SGMS2: variants seen among roughly 807,000 people sequenced by gnomAD.
SGMS2 encodes the protein sphingomyelin synthase 2.
In SGMS2, 21 loss-of-function variants were observed where a neutral mutation model predicts 43.8. That is an observed-to-expected ratio of 0.48 (90% confidence interval 0.34 to 0.69). SGMS2 has a LOEUF of 0.69. SGMS2 is among the 30% of genes least tolerant of loss of function. The probability of loss-of-function intolerance (pLI) is 0.01; values close to 1 mark genes in which losing one functional copy is unlikely to be tolerated. For missense variants in SGMS2, 384 were observed against 443.2 expected, an observed-to-expected ratio of 0.87 and a Z score of 1.20; for synonymous variants, 167 against 160.6, an observed-to-expected ratio of 1.04 and a Z score of -0.30.
At chr4:107,896,741 T>G (rs997704601) in intron 3 of SGMS2, among the ~76,000 whole-genome samples, 2 of 152,186 alleles carry the variant, frequency 1.3e-5, no homozygotes, top group Non-Finnish European at 2.9e-5. Context: ...CAGGTACTTT[T>G]GCTTTGAAGA....
intron 1 of SGMS2, among the ~76,000 whole-genome samples, chr4:107,851,808 T>C (rs1727161495): frequency 6.6e-6 from 1 of 152,186 alleles, no homozygotes; most frequent in Admixed American, 6.5e-5. Context: ...TGAGCATGAG[T>C]AGTAATCATA....
rs941295242 is a variant in SGMS2 at position 107,911,977 on chromosome 4, C to A, written c.*1424C>A. On this transcript the variant is annotated 3_prime_UTR_variant, in exon 7 of 7. Transcript: ENST00000690982. ...GGTTGCAAAGTTATCAACACTGGGG[C>A]AGAGGGTGGAGAGGCCAATGCGGGT... 1 of 152,074 alleles carries A rather than the reference C, an allele frequency of 6.6e-6. No individual in the cohort carries two copies. The highest frequency in any genetic ancestry group is 1.5e-5 in the Non-Finnish European group (1 of 68,012). The allele number at this position is 152,074 out of a possible 1,614,324, so 9.4% of individuals were successfully genotyped here.
intron 2 of SGMS2, among the ~76,000 whole-genome samples, chr4:107,859,402 G>A (rs1348803704): frequency 6.6e-6 from 1 of 152,108 alleles, no homozygotes; most frequent in Non-Finnish European, 1.5e-5. Context: ...ATTCAGCACA[G>A]TATTCTATAA....
At chr4:107,848,132 C>A (rs1726938764) in intron 1 of SGMS2, among the ~76,000 whole-genome samples, 2 of 152,162 alleles carry the variant, frequency 1.3e-5, no homozygotes, top group Non-Finnish European at 2.9e-5. Context: ...CATAGTTTTA[C>A]ATTTTCTAGA....
At chr4:107,890,734 C>A (rs1730139917) in intron 2 of SGMS2, among the ~76,000 whole-genome samples, 1 of 151,262 alleles carries the variant, frequency 6.6e-6, no homozygotes, top group Admixed American at 6.6e-5. Flanking sequence ...AACATGAAGG[C>A]CTTTTAAATA....
chr4:107,889,796 A>T (rs1030134410), intron 2 of SGMS2, among the ~76,000 whole-genome samples: 3 of 152,220 alleles, frequency 2.0e-5, no homozygotes, highest in African/African-American at 7.2e-5. Flanking sequence ...AATTTGCATC[A>T]TAAGATACAG....
At position 107,895,495 on chromosome 4, in the gene SGMS2, A is replaced by G; in HGVS notation, c.-59A>G. Reference sequence around the variant, plus strand: ...GAAATAGAAGGATTGAAAAAAGCTAAATTTCCACAAAGAACAAGAACTTGA... The same window carrying G: ...GAAATAGAAGGATTGAAAAAAGCTAGATTTCCACAAAGAACAAGAACTTGA... On this transcript the variant is annotated 5_prime_UTR_variant, in exon 3 of 7. Coordinates refer to ENST00000690982, the MANE Select transcript of SGMS2 (RefSeq NM_001375905.1). 2 of 1,518,864 alleles carry G rather than the reference A, an allele frequency of 1.3e-6. No homozygotes were observed. The highest frequency in any genetic ancestry group is 4.3e-5 in the Admixed American group (2 of 46,106). 94.1% of individuals were successfully genotyped at this position (1,518,864 alleles called of 1,614,324 possible).
At chr4:107,855,028 T>C (rs752634243) in intron 1 of SGMS2, among the ~76,000 whole-genome samples, 19 of 152,166 alleles carry the variant, frequency 1.2e-4, no homozygotes, top group Non-Finnish European at 2.4e-4. Flanking sequence ...TTCCCCTCTA[T>C]CTACAAAGGA....
At chr4:107,831,214 C>G (rs559718005) in intron 1 of SGMS2, among the ~76,000 whole-genome samples, 11 of 152,310 alleles carry the variant, frequency 7.2e-5, no homozygotes, top group African/African-American at 2.6e-4. Flanking sequence ...TTTGTCTCCA[C>G]TAGCTTCAGC....
intron 1 of SGMS2, among the ~76,000 whole-genome samples, chr4:107,834,668 A>G (rs1232872965): frequency 6.6e-6 from 1 of 152,326 alleles, no homozygotes; most frequent in East Asian, 1.9e-4. Context: ...TGGGTCATCT[A>G]TTGTAAGTAT....
At chr4:107,906,574 T>C (rs1274002914) in intron 5 of SGMS2, among the ~76,000 whole-genome samples, 1 of 152,218 alleles carries the variant, frequency 6.6e-6, no homozygotes, top group Non-Finnish European at 1.5e-5. Flanking sequence ...CTCATTGTTA[T>C]CCCTATGGGA....
intron 1 of SGMS2, among the ~76,000 whole-genome samples, chr4:107,854,969 A>T (rs1268907287): frequency 1.3e-5 from 2 of 152,276 alleles, no homozygotes; most frequent in Admixed American, 1.3e-4. Context: ...CTCCAAACAC[A>T]TATGGAGATA....
At chr4:107,876,193 A>G (rs577241674) in intron 2 of SGMS2, among the ~76,000 whole-genome samples, 5 of 152,288 alleles carry the variant, frequency 3.3e-5, no homozygotes, top group African/African-American at 1.2e-4. Context: ...TATATTTTAA[A>G]TAAATATCAA....
chr4:107,850,814 A>G (rs1727094921), intron 1 of SGMS2, among the ~76,000 whole-genome samples: 1 of 152,136 alleles, frequency 6.6e-6, no homozygotes, highest in South Asian at 2.1e-4. Context: ...TCTGATTTCC[A>G]CCTTGATACT....
intron 6 of SGMS2, among the ~76,000 whole-genome samples, chr4:107,909,938 T>C (rs1047366472): frequency 1.2e-4 from 19 of 152,178 alleles, no homozygotes; most frequent in African/African-American, 4.6e-4. Context: ...TACACTTCCA[T>C]CTAGTTGACT....
At chr4:107,828,833 C>G (rs59251071) in intron 1 of SGMS2, among the ~76,000 whole-genome samples, 15,127 of 152,220 alleles carry the variant, frequency 0.099, 1,058 homozygotes, top group African/African-American at 0.19. Flanking sequence ...GCAATAGGAT[C>G]AACCTTCTCT....
At chr4:107,826,778 A>C (rs1056287253) in intron 1 of SGMS2, among the ~76,000 whole-genome samples, 1 of 152,130 alleles carries the variant, frequency 6.6e-6, no homozygotes, top group African/African-American at 2.4e-5. Context: ...CCTTGTTCTG[A>C]GTTTCTCCCC....
At chr4:107,877,328 C>T (rs764066563) in intron 2 of SGMS2, among the ~76,000 whole-genome samples, 5 of 152,058 alleles carry the variant, frequency 3.3e-5, no homozygotes, top group Non-Finnish European at 7.4e-5. Context: ...TTTTTCAACA[C>T]CTCTCACTTC....
In SGMS2 at chr4:107,895,978, G is replaced by A; in HGVS notation, c.425G>A (p.Trp142Ter). ...AATGGGATTATATTAGTTGGATTAT[G>A]GATCACCCAGTGGCTGTTTCTGAGA... The part of the protein sequence containing the change: ...EINGIILVGL[W>*]ITQWLFLRYK... The change falls in exon 3 of 7, where the codon TGG (tryptophan) becomes TAG (stop). Residue 142 changes from tryptophan (W) to a stop codon, truncating the protein, a stop_gained. Coordinates refer to ENST00000690982, the MANE Select transcript of SGMS2 (RefSeq NM_001375905.1). LOFTEE classifies it high-confidence loss of function. The A allele has an allele frequency of 6.2e-7, 1 of 1,613,112 alleles. No individual in the cohort carries two copies. The highest frequency in any genetic ancestry group is 8.5e-7 in the Non-Finnish European group (1 of 1,179,300).
Sources: allele counts gnomAD v4.1 joint callset (sites outside exome capture counted in the v4.1 genomes callset), GRCh38; gene constraint gnomAD v4.1.1; transcripts MANE v1.5; gene names NCBI Gene and HGNC (gene_info 2026-07-23, HGNC 2026-07-21).